The following SPOCK1 variants were observed in gnomAD, a reference collection of about 807,000 sequenced individuals.
SPOCK1 encodes testican-1.
SPOCK1 carries 23 observed loss-of-function variants against 55.3 expected under a neutral mutation model. The observed-to-expected ratio is 0.42, with a 90% CI of 0.30 to 0.59. The LOEUF (loss-of-function observed/expected upper bound fraction) is 0.59, where lower values mean the gene tolerates loss of function less well. Among genes scored for constraint, SPOCK1 ranks in the 20% least tolerant of loss-of-function variants. SPOCK1 has a pLI of 0.22. For synonymous variants in SPOCK1, 226 were observed against 221.0 expected, an observed-to-expected ratio of 1.02 and a Z score of -0.20; for missense variants, 499 against 552.5, an observed-to-expected ratio of 0.90 and a Z score of 0.97.
Position 137,408,961 on chromosome 5 carries a change from T to C in SPOCK1, c.186+89412A>G, listed in dbSNP as rs1281749921. ...AGACAGCCCTCAGCACTGTGCCTAG[T>C]GCTCAATTTATGTTTCACGAAGGTC... On this transcript the variant is annotated intron_variant, in intron 2 of 10. Transcript: ENST00000394945. 3.3e-5 allele frequency among the ~76,000 whole-genome samples: 5 copies of C among 152,194 alleles called. No homozygotes were observed. The South Asian group carries it at 1.0e-3, about 32-fold the overall frequency.
At chr5:137,203,309 A>G (rs1354979427) in intron 3 of SPOCK1, among the ~76,000 whole-genome samples, 2 of 151,726 alleles carry the variant, frequency 1.3e-5, no homozygotes, top group Non-Finnish European at 2.9e-5. Flanking sequence ...CTCATCATCG[A>G]GGGAAAAAGT....
chr5:137,495,676 A>G (rs1396002698), intron 2 of SPOCK1, among the ~76,000 whole-genome samples: 1 of 152,272 alleles, frequency 6.6e-6, no homozygotes, highest in East Asian at 1.9e-4. Context: ...TGGCTGAGCA[A>G]CTGCAAGATT....
At chr5:137,294,828 T>A (rs902009627) in intron 2 of SPOCK1, among the ~76,000 whole-genome samples, 8 of 152,234 alleles carry the variant, frequency 5.3e-5, no homozygotes, top group African/African-American at 1.9e-4. Context: ...TGTTTTCTTA[T>A]CTGAAATATT....
At chr5:137,372,967 T>C (rs1204171132) in intron 2 of SPOCK1, among the ~76,000 whole-genome samples, 1 of 152,224 alleles carries the variant, frequency 6.6e-6, no homozygotes, top group African/African-American at 2.4e-5. Context: ...TCCACCCTCA[T>C]GAATGGATTA....
At chr5:137,102,742 G>A (rs1753294042) in intron 5 of SPOCK1, among the ~76,000 whole-genome samples, 1 of 152,084 alleles carries the variant, frequency 6.6e-6, no homozygotes, top group South Asian at 2.1e-4. Flanking sequence ...AAGTTGTATA[G>A]CTTCAGTTTT....
chr5:137,281,658 T>C (rs1167566810), intron 2 of SPOCK1, among the ~76,000 whole-genome samples: 1 of 152,158 alleles, frequency 6.6e-6, no homozygotes, highest in Non-Finnish European at 1.5e-5. Context: ...CTGCAAAAGA[T>C]CCAAATTGTG....
chr5:137,003,222 C>T (rs1024905050), intron 6 of SPOCK1, among the ~76,000 whole-genome samples: 9 of 151,980 alleles, frequency 5.9e-5, no homozygotes, highest in Admixed American at 6.6e-5. Flanking sequence ...CTGGTCAACA[C>T]GGTGAAACTG....
At chr5:137,216,520 G>C (rs545693828) in intron 3 of SPOCK1, among the ~76,000 whole-genome samples, 24 of 152,148 alleles carry the variant, frequency 1.6e-4, no homozygotes, top group Admixed American at 1.6e-3. Context: ...AGACCAGCCT[G>C]GCCAATGTTG....
chr5:137,194,664 A>C (rs1755262554), intron 3 of SPOCK1, among the ~76,000 whole-genome samples: 1 of 152,058 alleles, frequency 6.6e-6, no homozygotes, highest in Admixed American at 6.5e-5. Flanking sequence ...TTTCCCGGGC[A>C]CCAGACTCCT....
At chr5:137,425,584 G>A (rs754842545) in intron 2 of SPOCK1, among the ~76,000 whole-genome samples, 12 of 152,270 alleles carry the variant, frequency 7.9e-5, no homozygotes, top group Admixed American at 2.0e-4. Context: ...GTGTTTGCAC[G>A]CCAGTGTCTG....
At chr5:137,244,736 T>C (rs1756361537) in intron 3 of SPOCK1, among the ~76,000 whole-genome samples, 1 of 152,216 alleles carries the variant, frequency 6.6e-6, no homozygotes, top group African/African-American at 2.4e-5. Context: ...TATTTATGAC[T>C]GCAAATAACT....
At chr5:137,341,029 T>C (rs765154113) in intron 2 of SPOCK1, among the ~76,000 whole-genome samples, 3 of 152,292 alleles carry the variant, frequency 2.0e-5, no homozygotes, top group Non-Finnish European at 4.4e-5. Context: ...CACGGGACCA[T>C]AGGCCTGATC....
At chr5:136,999,366 T>G (rs918371961) in intron 6 of SPOCK1, among the ~76,000 whole-genome samples, 1 of 152,164 alleles carries the variant, frequency 6.6e-6, no homozygotes, top group Non-Finnish European at 1.5e-5. Context: ...TGGCTCTGCC[T>G]GTACCCCGGG....
intron 6 of SPOCK1, among the ~76,000 whole-genome samples, chr5:137,034,120 C>T (rs573634970): frequency 6.6e-6 from 1 of 152,296 alleles, no homozygotes; most frequent in East Asian, 1.9e-4. Context: ...ACTTGGACTC[C>T]AATAGCCATG....
At position 137,498,515 on chromosome 5, in the gene SPOCK1, C is replaced by T; in HGVS notation, c.44G>A (p.Cys15Tyr). ...GTGCCGGCTCTCGACTTGGAGGAAG[C>T]ACCACGCCGCGGCGGCCGCCGCCAA... ...AVLAAAAAAWCFLQVESRHLD... is the reference protein window; with the variant it reads ...AVLAAAAAAWYFLQVESRHLD... The change falls in exon 2 of 11, where the codon TGC becomes TAC. Residue 15 changes from cysteine to tyrosine, a missense_variant. Physicochemically the swap from Cys to Tyr is radical, Grantham distance 194. Around this residue, in one of 3 missense-constraint regions of SPOCK1, gnomAD observed 386 missense variants for 400.6 expected, o/e 0.96. Transcript: ENST00000394945. 6.4e-7 allele frequency: 1 copy of T among 1,562,392 alleles called. No homozygotes were observed. Among genetic ancestry groups the T allele is most frequent in the Non-Finnish European group, 8.6e-7 (1 of 1,160,384 alleles).
At chr5:137,173,846 T>C (rs867663198) in intron 3 of SPOCK1, among the ~76,000 whole-genome samples, 1 of 152,218 alleles carries the variant, frequency 6.6e-6, no homozygotes, top group African/African-American at 2.4e-5. Context: ...TCTATATACC[T>C]GGCACCATCC....
At chr5:137,384,687 G>C (rs1012773856) in intron 2 of SPOCK1, among the ~76,000 whole-genome samples, 1 of 151,500 alleles carries the variant, frequency 6.6e-6, no homozygotes, top group Admixed American at 6.6e-5. Context: ...CCAGTTTCTA[G>C]TGGCACCTGA....
intron 2 of SPOCK1, among the ~76,000 whole-genome samples, chr5:137,384,603 G>T (rs1177320750): frequency 1.5e-5 from 2 of 136,558 alleles, no homozygotes; most frequent in East Asian, 3.9e-4. Context: ...TTTCCCCCTG[G>T]AGGCCAGAAG....
intron 5 of SPOCK1, among the ~76,000 whole-genome samples, chr5:137,100,874 G>GAA (rs1400023539): frequency 1.4e-4 from 12 of 82,942 alleles, no homozygotes; most frequent in Admixed American, 2.3e-4. Context: ...TTCCGAAAGG[G>GAA]GAAAAAAAAA....
Sources: allele counts gnomAD v4.1 joint callset (sites outside exome capture counted in the v4.1 genomes callset), GRCh38; gene constraint gnomAD v4.1.1; regional missense constraint gnomAD v4.1.1; transcripts MANE v1.5; gene names NCBI Gene and HGNC (gene_info 2026-07-23, HGNC 2026-07-21).